Variants in TMEM50B observed in about 807,000 individuals in gnomAD.
The protein encoded by TMEM50B is HCV p7-trans-regulated protein 3.
TMEM50B carries 14 observed loss-of-function variants against 23.4 expected under a neutral mutation model. The observed-to-expected ratio is 0.60, with a 90% CI of 0.39 to 0.93. The LOEUF is 0.93. Ranked by LOEUF, TMEM50B falls within the 40% of genes least tolerant of loss-of-function variation. The pLI is 0.00. For synonymous variants in TMEM50B, 64 were observed against 62.3 expected (o/e 1.03, Z -0.13); for missense variants, 159 against 193.0 (o/e 0.82, Z 1.04).
At chr21:33,445,568 G>C (rs2084046050), downstream of TMEM50B, among the ~76,000 whole-genome samples, 1 of 152,276 alleles carries the variant, frequency 6.6e-6, no homozygotes, top group African/African-American at 2.4e-5. Context: ...GCCAAGGCTG[G>C]CGGATCGCTT....
In TMEM50B at chr21:33,436,894, G is replaced by A. The variant is rs766433285; in HGVS notation, c.*2120+2320C>T. ...CAAGGACAGCTCACCAAAGGATGAC[G>A]TCTGGGACTCTGTGTCCATTATCTC... On this transcript the variant is annotated intron_variant and NMD_transcript_variant, in intron 8 of 8. Coordinates refer to the TMEM50B transcript ENST00000420455. The A allele has an allele frequency of 2.6e-5, 42 of 1,613,756 alleles. No individual in the cohort carries two copies. The highest frequency in any genetic ancestry group is 1.6e-4 in the Middle Eastern group (1 of 6,082).
chr21:33,475,744 G>C (rs1002751898), intron 1 of TMEM50B, among the ~76,000 whole-genome samples: 2 of 151,928 alleles, frequency 1.3e-5, no homozygotes, highest in African/African-American at 4.8e-5. Flanking sequence ...CATGAGGTCA[G>C]GAGAACAAGA....
intron 6 of TMEM50B, among the ~76,000 whole-genome samples, chr21:33,454,161 G>A (rs1387475879): frequency 2.7e-5 from 4 of 150,620 alleles, no homozygotes; most frequent in Non-Finnish European, 4.4e-5. Flanking sequence ...TTCATTTTGG[G>A]GATATTTTAG....
downstream of TMEM50B, among the ~76,000 whole-genome samples, chr21:33,447,340 T>TCCTAGCTACTC (rs2084071360): frequency 6.6e-6 from 1 of 151,162 alleles, no homozygotes; most frequent in Non-Finnish European, 1.5e-5. Context: ...TGCACACCTA[T>TCCTAGCTACTC]AGTAGACTGA....
downstream of TMEM50B, among the ~76,000 whole-genome samples, chr21:33,447,342 G>GTCC (rs967545234): frequency 6.6e-6 from 1 of 151,940 alleles, no homozygotes; most frequent in Non-Finnish European, 1.5e-5. Context: ...CACACCTATA[G>GTCC]TAGACTGAGG....
intron 4 of TMEM50B, among the ~76,000 whole-genome samples, chr21:33,461,333 A>G (rs2084214907): frequency 6.6e-6 from 1 of 152,248 alleles, no homozygotes; most frequent in Admixed American, 6.5e-5. Context: ...ATCAAAGTTC[A>G]TAATGGTTAG....
intron 1 of TMEM50B, among the ~76,000 whole-genome samples, 187 bp downstream of exon 1, chr21:33,479,651 G>A (rs543324124): frequency 5.3e-5 from 8 of 152,294 alleles, no homozygotes; most frequent in African/African-American, 1.4e-4. Flanking sequence ...AAGAAGGGGC[G>A]GCGGGGGCTC....
intron 1 of TMEM50B, among the ~76,000 whole-genome samples, chr21:33,478,551 G>C: frequency 6.6e-6 from 1 of 152,142 alleles, no homozygotes; most frequent in African/African-American, 2.4e-5. Flanking sequence ...ATTCAGAAAA[G>C]ACTAGCCAGT....
intron 4 of TMEM50B, among the ~76,000 whole-genome samples, chr21:33,462,176 T>G (rs1284717460): frequency 2.0e-5 from 3 of 152,166 alleles, no homozygotes; most frequent in African/African-American, 7.2e-5. Flanking sequence ...ATTTTGATAC[T>G]TTCCTATTAA....
rs1357260948 is a variant in TMEM50B, at chr21:33,449,441, G to A, written c.*1377C>T. 1 of 152,554 alleles carries A rather than the reference G, an allele frequency of 6.6e-6. No individual in the cohort carries two copies. Among genetic ancestry groups the A allele is most frequent in the Non-Finnish European group, 1.5e-5 (1 of 68,046 alleles). The allele number at this position is 152,554 out of a possible 1,614,324, so 9.5% of individuals were successfully genotyped here. On this transcript the variant is annotated 3_prime_UTR_variant, in exon 7 of 7. Transcript: ENST00000542230. ...AACCAAGGCTCTACAACACCCCTCT[G>A]GAGAAAAAGTGCAACACAAAATCTG...
chr21:33,475,456 T>C (rs1422932524), intron 1 of TMEM50B, among the ~76,000 whole-genome samples: 4 of 151,912 alleles, frequency 2.6e-5, no homozygotes, highest in South Asian at 2.1e-4. Context: ...CAAGCAGTTA[T>C]CTGCCCCCAC....
intron 6 of TMEM50B, among the ~76,000 whole-genome samples, chr21:33,451,432 T>G (rs1448284514): frequency 6.6e-6 from 1 of 152,078 alleles, no homozygotes; most frequent in East Asian, 1.9e-4. Context: ...AATATAAAAT[T>G]CCACCTATAA....
At chr21:33,458,956 G>C (rs1190739855) in intron 5 of TMEM50B, among the ~76,000 whole-genome samples, 1 of 152,136 alleles carries the variant, frequency 6.6e-6, no homozygotes, top group Non-Finnish European at 1.5e-5. Context: ...GTATTCCAAA[G>C]ATCTTATACT....
intron 1 of TMEM50B, among the ~76,000 whole-genome samples, chr21:33,472,156 G>C (rs2084323706): frequency 6.6e-6 from 1 of 151,652 alleles, no homozygotes; most frequent in Admixed American, 6.6e-5. Flanking sequence ...GGCCAAGGCG[G>C]GGGGATCACG....
intron 7 of TMEM50B, among the ~76,000 whole-genome samples, chr21:33,441,528 AGGCAGTTGTTG>A (rs200942339): frequency 0.01 from 1,526 of 152,288 alleles, 34 homozygotes; most frequent in African/African-American, 0.035. Flanking sequence ...AAGGTTAGAC[AGGCAGTTGTTG>A]GGCAGATGTC....
intron 6 of TMEM50B, among the ~76,000 whole-genome samples, chr21:33,452,288 G>A (rs780572003): frequency 1.6e-4 from 25 of 152,200 alleles, no homozygotes; most frequent in Non-Finnish European, 3.1e-4. Flanking sequence ...GGTAGAGCAT[G>A]GTGGTCTGAG....
chr21:33,433,886 C>A (rs2083916540), intron 8 of TMEM50B, among the ~76,000 whole-genome samples: 1 of 151,902 alleles, frequency 6.6e-6, no homozygotes, highest in South Asian at 2.1e-4. Flanking sequence ...GTCTCCTCTG[C>A]TGTCTGGAGA....
intron 3 of TMEM50B, among the ~76,000 whole-genome samples, chr21:33,465,749 C>A (rs2123445168): frequency 6.6e-6 from 1 of 152,264 alleles, no homozygotes; most frequent in East Asian, 1.9e-4. Flanking sequence ...TCATTATTAT[C>A]AAGAGTTAAA....
intron 1 of TMEM50B, among the ~76,000 whole-genome samples, chr21:33,476,252 G>A (rs542222227): frequency 4.0e-5 from 6 of 150,020 alleles, no homozygotes; most frequent in Non-Finnish European, 8.9e-5. Flanking sequence ...AGGTGGTGGC[G>A]CATGTCTGTA....
Sources: allele counts gnomAD v4.1 joint callset (sites outside exome capture counted in the v4.1 genomes callset), GRCh38; gene constraint gnomAD v4.1.1; transcripts MANE v1.5; gene names NCBI Gene and HGNC (gene_info 2026-07-23, HGNC 2026-07-21).